Variants in ZNF501 observed in about 807,000 individuals in gnomAD.
ZNF501 encodes zinc finger protein 501, also known as zinc finger protein 52.
A neutral mutation model predicts 5.7 loss-of-function variants in ZNF501; 7 were observed. The ratio of observed to expected loss-of-function variants is 1.24; its 90% CI spans 0.70 to 2.32. The LOEUF is 2.32. ZNF501 is among the 30% of genes most tolerant of loss of function. ZNF501 has a pLI of 0.00. For missense variants in ZNF501, 352 were observed against 321.1 expected (o/e 1.10, Z -0.73); for synonymous variants, 107 against 101.9 (o/e 1.05, Z -0.30).
In ZNF501 at chr3:44,729,802, G is replaced by C. The variant is rs1704579260; in HGVS notation, c.-524G>C. ...GGGAAGCAGGGCGTTTTTCTTCCTGGAGGGCCTGTGGAGCGGAGGCCCGAG... is the reference window on the plus strand; with the variant it reads ...GGGAAGCAGGGCGTTTTTCTTCCTGCAGGGCCTGTGGAGCGGAGGCCCGAG... On this transcript the variant is annotated 5_prime_UTR_variant, in exon 1 of 3. Transcript: ENST00000620116. 4 of 152,380 alleles carry C rather than the reference G, an allele frequency of 2.6e-5. No homozygotes were observed. The highest frequency in any genetic ancestry group is 1.3e-4 in the Admixed American group (2 of 15,310). The allele number at this position is 152,380 out of a possible 1,614,324, so 9.4% of individuals were successfully genotyped here.
intron 2 of ZNF501, among the ~76,000 whole-genome samples, chr3:44,732,468 A>G (rs1054831605): frequency 2.0e-5 from 3 of 152,256 alleles, no homozygotes; most frequent in Non-Finnish European, 4.4e-5. Flanking sequence ...TCCATGTTGT[A>G]AGTTAATACA....
intron 2 of ZNF501, among the ~76,000 whole-genome samples, chr3:44,733,386 C>G (rs566578185): frequency 2.8e-4 from 43 of 152,306 alleles, no homozygotes; most frequent in Middle Eastern, 3.4e-3. Context: ...TGTTCTTTCT[C>G]CAGTTCTTTG....
In ZNF501 at chr3:44,734,532, T is replaced by A. The variant is rs2125874307; in HGVS notation, c.111T>A (p.Leu37=). ...AGTTCTTTACTCAGAGATCATCTCT[T>A]ACCCAGCACCAGAGGATTCACAGAG... ...CGKFFTQRSS[L]TQHQRIHRGE... The change falls in exon 3 of 3, where the codon CTT becomes CTA. Residue 37 remains leucine (L), a synonymous_variant. Coordinates refer to ENST00000620116, the MANE Select transcript of ZNF501 (RefSeq NM_001258280.2). 1 of 1,614,124 alleles carries A rather than the reference T, an allele frequency of 6.2e-7. No individual in the cohort carries two copies. The highest frequency in any genetic ancestry group is 2.2e-5 in the East Asian group (1 of 44,882).
intron 1 of ZNF501, among the ~76,000 whole-genome samples, chr3:44,730,829 C>G (rs987865983): frequency 6.6e-6 from 1 of 152,218 alleles, no homozygotes; most frequent in African/African-American, 2.4e-5. Context: ...AAGACCCATT[C>G]ACCTCACGGC....
At position 44,734,305 on chromosome 3, in the gene ZNF501, G is replaced by A; in HGVS notation, c.-117G>A. On this transcript the variant is annotated 5_prime_UTR_variant, in exon 3 of 3. In the 5' UTR this introduces an upstream ATG that the reference lacks. Transcript: ENST00000620116. ...TGAATGAGAGGACAGCAATGCATGTGTGATGTGTGTGAGCACACACACACA... is the reference window on the plus strand; with the variant it reads ...TGAATGAGAGGACAGCAATGCATGTATGATGTGTGTGAGCACACACACACA... 1.3e-6 allele frequency: 1 copy of A among 799,568 alleles called. No individual in the cohort carries two copies. The highest frequency in any genetic ancestry group is 2.0e-6 in the Non-Finnish European group (1 of 501,506). The allele number at this position is 799,568 out of a possible 1,614,324, so 49.5% of individuals were successfully genotyped here. A position where few individuals can be genotyped will look rare whatever the true frequency, so the allele number is the denominator to read the frequency against.
intron 2 of ZNF501, chr3:44,731,769 A>G (rs1461420820): frequency 6.6e-6 from 1 of 152,264 alleles, no homozygotes; most frequent in African/African-American, 2.4e-5. Flanking sequence ...TGGTTATGGG[A>G]CAGGTCCTAG....
chr3:44,734,575 T>A lies in ZNF501; in HGVS notation c.154T>A (p.Cys52Ser). ...TCACAGAGGAGAGAAGCCCTATGTG[T>A]GCAGTGAATGTGGAAGTTGTTTCCG... is the stretch of plus-strand genomic sequence containing the variant. ...RIHRGEKPYV[C>S]SECGSCFRKQ... Residue 52 changes from cysteine (C) to serine (S), a missense_variant, in exon 3 of 3, where the codon TGC becomes AGC. Coordinates refer to ENST00000620116, the MANE Select transcript of ZNF501 (RefSeq NM_001258280.2). The A allele has an allele frequency of 6.2e-7, 1 of 1,614,160 alleles. No homozygotes were observed. Among genetic ancestry groups the A allele is most frequent in the South Asian group, 1.1e-5 (1 of 91,078 alleles).
At chr3:44,731,416 A>G (rs1206530840) in intron 1 of ZNF501, 60 bp from the exon 2 acceptor site, 1 of 152,212 alleles carries the variant, frequency 6.6e-6, no homozygotes, top group African/African-American at 2.4e-5. Flanking sequence ...AGTTACCCTG[A>G]ATCTAGAAGG....
At position 44,736,340 on chromosome 3, in the gene ZNF501, C is replaced by A. The variant is rs1704699885; in HGVS notation, c.*1103C>A. On this transcript the variant is annotated 3_prime_UTR_variant, in exon 3 of 3. Transcript: ENST00000620116. ...ACAAGCACCTCTAACGCTAAAAGCA[C>A]CCTTGCAAGAAAGGTAGGAGTTACT... is the stretch of plus-strand genomic sequence containing the variant. 6.0e-6 allele frequency: 1 copy of A among 167,010 alleles called. No homozygotes were observed. Among genetic ancestry groups the A allele is most frequent in the Non-Finnish European group, 1.5e-5 (1 of 68,108 alleles). 10.3% of individuals were successfully genotyped at this position (167,010 alleles called of 1,614,324 possible).
rs767582266 is a variant in ZNF501, at chr3:44,735,217, A to C, written c.796A>C (p.Arg266=). The C allele has an allele frequency of 6.3e-7, 1 of 1,576,032 alleles. No individual in the cohort carries two copies. Among genetic ancestry groups the C allele is most frequent in the Non-Finnish European group, 8.6e-7 (1 of 1,159,502 alleles). The change falls in exon 3 of 3, where the codon AGG becomes CGG. Residue 266 remains arginine, a synonymous_variant. Coordinates refer to ENST00000620116, the MANE Select transcript of ZNF501 (RefSeq NM_001258280.2). ...RHSSALLRHQ[R]LHAGE ...CAGTTCAGCACTTCTTCGACATCAGAGGCTTCATGCTGGAGAGTAAAATTT... is the reference window on the plus strand; with the variant it reads ...CAGTTCAGCACTTCTTCGACATCAGCGGCTTCATGCTGGAGAGTAAAATTT...
chr3:44,733,703 T>C (rs1045824823), intron 2 of ZNF501, among the ~76,000 whole-genome samples: 2 of 152,216 alleles, frequency 1.3e-5, no homozygotes, highest in African/African-American at 2.4e-5. Context: ...TCTTACTTTC[T>C]TTCAGTAAGC....
chr3:44,731,723 G>A (rs907830687), intron 2 of ZNF501, 163 bp downstream of exon 2: 1 of 152,232 alleles, frequency 6.6e-6, no homozygotes, highest in African/African-American at 2.4e-5. Flanking sequence ...TCAAATCAGT[G>A]AGGGTGGCCC....
intron 2 of ZNF501, among the ~76,000 whole-genome samples, chr3:44,733,566 C>T (rs920838566): frequency 2.6e-5 from 4 of 152,196 alleles, no homozygotes; most frequent in Non-Finnish European, 5.9e-5. Context: ...TAGTATATTT[C>T]AGATTTCTTT....
rs1322983270 is a variant in ZNF501, at chr3:44,731,475, G to A, written c.-310-1G>A. On this transcript the variant is annotated splice_acceptor_variant, in intron 1 of 2. Coordinates refer to ENST00000620116, the MANE Select transcript of ZNF501 (RefSeq NM_001258280.2). LOFTEE classifies it low-confidence loss of function (5UTR_SPLICE). ...ATGAGTGGCTCTTTTTCCTCCCTCA[G>A]TGCCTCAAATTCCTGCCTTTCCTCA... 6.6e-6 allele frequency: 1 copy of A among 152,178 alleles called. No homozygotes were observed. Among genetic ancestry groups the A allele is most frequent in the Non-Finnish European group, 1.5e-5 (1 of 68,040 alleles). 9.4% of individuals were successfully genotyped at this position (152,178 alleles called of 1,614,324 possible).
At position 44,735,294 on chromosome 3, in the gene ZNF501, T is replaced by G; in HGVS notation, c.*57T>G. ...GTATGGAAGCACCTTTTTTTTCTCCTAAATTCCTAGGAATGTAAGACTCAA... is the reference window on the plus strand; with the variant it reads ...GTATGGAAGCACCTTTTTTTTCTCCGAAATTCCTAGGAATGTAAGACTCAA... On this transcript the variant is annotated 3_prime_UTR_variant, in exon 3 of 3. Coordinates refer to ENST00000620116, the MANE Select transcript of ZNF501 (RefSeq NM_001258280.2). 1 of 1,410,556 alleles carries G rather than the reference T, an allele frequency of 7.1e-7. No individual in the cohort carries two copies. The highest frequency in any genetic ancestry group is 9.6e-7 in the Non-Finnish European group (1 of 1,042,000). 87.4% of individuals were successfully genotyped at this position (1,410,556 alleles called of 1,614,324 possible).
At chr3:44,731,411 C>T (rs1225247335) in intron 1 of ZNF501, 65 bp from the exon 2 acceptor site, 1 of 152,198 alleles carries the variant, frequency 6.6e-6, no homozygotes, top group East Asian at 1.9e-4. Context: ...TCTTGAGTTA[C>T]CCTGAATCTA....
At position 44,735,195 on chromosome 3, in the gene ZNF501, T is replaced by G. The variant is rs1216403343; in HGVS notation, c.774T>G (p.Ser258Arg). ...CVGCGKSFRH[S>R]SALLRHQRLH... ...GATGTGGGAAATCCTTTAGGCACAGTTCAGCACTTCTTCGACATCAGAGGC... is the reference window on the plus strand; with the variant it reads ...GATGTGGGAAATCCTTTAGGCACAGGTCAGCACTTCTTCGACATCAGAGGC... Residue 258 changes from serine to arginine, a missense_variant, in exon 3 of 3, where the codon AGT (serine) becomes AGG (arginine). Physicochemically the swap from Ser to Arg is moderately radical, Grantham distance 110 (BLOSUM62 -1). Coordinates refer to ENST00000620116, the MANE Select transcript of ZNF501 (RefSeq NM_001258280.2). 1.9e-6 allele frequency: 3 copies of G among 1,594,064 alleles called. No homozygotes were observed. The highest frequency in any genetic ancestry group is 2.6e-6 in the Non-Finnish European group (3 of 1,168,172).
Position 44,734,958 on chromosome 3 carries a change from G to A in ZNF501, c.537G>A (p.Gln179=), listed in dbSNP as rs1704672135. Residue 179 remains glutamine, a synonymous_variant, in exon 3 of 3, where the codon CAG becomes CAA. Transcript: ENST00000620116. ...TTAATCAGAGTGCATGTCTCATGCAGCATCAGAGAATTCATTCAGGAGAGA... is the reference window on the plus strand; with the variant it reads ...TTAATCAGAGTGCATGTCTCATGCAACATCAGAGAATTCATTCAGGAGAGA... ...KAFNQSACLM[Q]HQRIHSGEKP... is the part of the protein sequence containing the mutation. 2 of 1,614,000 alleles carry A rather than the reference G, an allele frequency of 1.2e-6. No individual in the cohort carries two copies. The highest frequency in any genetic ancestry group is 1.7e-6 in the Non-Finnish European group (2 of 1,180,024).
At position 44,735,289 on chromosome 3, in the gene ZNF501, T is replaced by C. The variant is rs1161727171; in HGVS notation, c.*52T>C. 32 of 1,423,020 alleles carry C rather than the reference T, an allele frequency of 2.2e-5. No individual in the cohort carries two copies. Among genetic ancestry groups the C allele is most frequent in the South Asian group, 1.4e-4 (10 of 70,260 alleles). The allele number at this position is 1,423,020 out of a possible 1,614,324, so 88.1% of individuals were successfully genotyped here. A position where few individuals can be genotyped will look rare whatever the true frequency, so the allele number is the denominator to read the frequency against. ...GATTTGTATGGAAGCACCTTTTTTTTCTCCTAAATTCCTAGGAATGTAAGA... is the reference window on the plus strand; with the variant it reads ...GATTTGTATGGAAGCACCTTTTTTTCCTCCTAAATTCCTAGGAATGTAAGA... On this transcript the variant is annotated 3_prime_UTR_variant, in exon 3 of 3. Coordinates refer to ENST00000620116, the MANE Select transcript of ZNF501 (RefSeq NM_001258280.2).
Sources: allele counts gnomAD v4.1 joint callset (sites outside exome capture counted in the v4.1 genomes callset), GRCh38; gene constraint gnomAD v4.1.1; transcripts MANE v1.5; gene names NCBI Gene and HGNC (gene_info 2026-07-23, HGNC 2026-07-21).